HS2ST1: variants seen among roughly 807,000 people sequenced by gnomAD.
HS2ST1 encodes 2-O-sulfotransferase.
Under a neutral mutation model 42.9 loss-of-function variants are expected in HS2ST1, and 18 were observed. That is an observed-to-expected ratio of 0.42 (90% CI 0.29 to 0.62). The LOEUF is 0.62. HS2ST1 is among the 20% of genes least tolerant of loss of function. HS2ST1 has a pLI of 0.21. For synonymous variants in HS2ST1, 146 were observed against 152.9 expected, an observed-to-expected ratio of 0.95 and a Z score of 0.33; for missense variants, 334 against 433.8, an observed-to-expected ratio of 0.77 and a Z score of 2.04.
rs569296548 is a variant in HS2ST1 at position 87,064,785 on chromosome 1, C to T, written c.125-8149C>T. Among the ~76,000 whole-genome samples, 3 of 152,192 alleles carry T rather than the reference C, an allele frequency of 2.0e-5. No homozygotes were observed. In the South Asian group the frequency reaches 6.2e-4, roughly 32 times the overall value. ...AGGCAATCTACCCACCTCAGCTTCC[C>T]GAGTAGCTGGGACTACAGGCATGCA... On this transcript the variant is annotated intron_variant, in intron 1 of 6. Coordinates refer to ENST00000370550, the MANE Select transcript of HS2ST1 (RefSeq NM_012262.4).
chr1:86,972,671 G>A (rs754848784), intron 1 of HS2ST1, among the ~76,000 whole-genome samples: 5 of 152,216 alleles, frequency 3.3e-5, no homozygotes, highest in Non-Finnish European at 5.9e-5. Context: ...ATCCCCTGGG[G>A]ATAGGGTGCT....
rs1005539914 is a variant in HS2ST1, at chr1:86,914,729, G to A, written c.-308G>A. On this transcript the variant is annotated 5_prime_UTR_variant, in exon 1 of 7. Transcript: ENST00000370550. ...AGGCGGGCAAGCAGGCGGGCGCGGG[G>A]GTCGGGGACTGAGGCAGTAGAGGGA... 5.5e-5 allele frequency: 20 copies of A among 363,022 alleles called. No homozygotes were observed. Among genetic ancestry groups the A allele is most frequent in the Admixed American group, 1.4e-4 (3 of 21,944 alleles). 22.5% of individuals were successfully genotyped at this position (363,022 alleles called of 1,614,324 possible). A position where few individuals can be genotyped will look rare whatever the true frequency, so the allele number is the denominator to read the frequency against.
At chr1:87,027,617 G>A (rs183016592) in intron 1 of HS2ST1, among the ~76,000 whole-genome samples, 2 of 152,304 alleles carry the variant, frequency 1.3e-5, no homozygotes, top group African/African-American at 2.4e-5. Context: ...ACTGGTGGGA[G>A]TGAGTAGTTA....
chr1:87,013,107 A>C (rs574503157), intron 1 of HS2ST1, among the ~76,000 whole-genome samples: 1 of 152,338 alleles, frequency 6.6e-6, no homozygotes, highest in African/African-American at 2.4e-5. Flanking sequence ...TCTGGAGTAC[A>C]GTGCCCCTCT....
chr1:87,056,803 CA>C (rs1454154085), intron 1 of HS2ST1, among the ~76,000 whole-genome samples: 1 of 152,092 alleles, frequency 6.6e-6, no homozygotes, highest in Non-Finnish European at 1.5e-5. Flanking sequence ...CAAAGTATAT[CA>C]ATATAACAGT....
intron 2 of HS2ST1, among the ~76,000 whole-genome samples, chr1:87,082,917 AT>A (rs1433246707): frequency 1.3e-5 from 2 of 152,216 alleles, no homozygotes; most frequent in Non-Finnish European, 2.9e-5. Flanking sequence ...TTTATCTGCA[AT>A]TCATTTTTCA....
intron 3 of HS2ST1, among the ~76,000 whole-genome samples, chr1:87,090,936 A>G (rs1026967872): frequency 3.9e-5 from 6 of 151,998 alleles, no homozygotes; most frequent in African/African-American, 1.4e-4. Flanking sequence ...CTCATTACAT[A>G]AGACTAGTGA....
chr1:86,940,292 T>A (rs2102174747), intron 1 of HS2ST1, among the ~76,000 whole-genome samples: 1 of 152,304 alleles, frequency 6.6e-6, no homozygotes, highest in East Asian at 1.9e-4. Flanking sequence ...GAAGATAATT[T>A]GAGTCCAGGA....
intron 1 of HS2ST1, among the ~76,000 whole-genome samples, chr1:86,924,926 A>G (rs1196112206): frequency 6.6e-6 from 1 of 152,206 alleles, no homozygotes. Flanking sequence ...TTCTCCTGAG[A>G]AAATGAAATT....
chr1:86,950,845 G>T (rs188409041), intron 1 of HS2ST1, among the ~76,000 whole-genome samples: 4 of 152,028 alleles, frequency 2.6e-5, no homozygotes, highest in African/African-American at 9.7e-5. Context: ...ATAAAAAGTG[G>T]GTAAAAGAAA....
At chr1:86,916,376 A>G (rs577876246) in intron 1 of HS2ST1, among the ~76,000 whole-genome samples, 16 of 152,360 alleles carry the variant, frequency 1.1e-4, no homozygotes, top group Admixed American at 1.3e-4. Flanking sequence ...AATAGATGTT[A>G]CTGTGAGTGG....
At chr1:86,988,218 C>T (rs755532806) in intron 1 of HS2ST1, among the ~76,000 whole-genome samples, 1 of 152,198 alleles carries the variant, frequency 6.6e-6, no homozygotes, top group Non-Finnish European at 1.5e-5. Context: ...AAAGGGAAGA[C>T]TTGTTATGTA....
intron 1 of HS2ST1, among the ~76,000 whole-genome samples, chr1:87,001,820 T>A (rs1649294789): frequency 6.6e-6 from 1 of 151,996 alleles, no homozygotes; most frequent in Non-Finnish European, 1.5e-5. Context: ...TCCATGTTGA[T>A]CAGGCTGGTC....
At chr1:86,919,852 T>A (rs1197507106) in intron 1 of HS2ST1, among the ~76,000 whole-genome samples, 3 of 152,206 alleles carry the variant, frequency 2.0e-5, no homozygotes, top group African/African-American at 7.2e-5. Context: ...TTTTTCAACT[T>A]CAAATGAAGT....
At chr1:87,064,318 C>T (rs923954293) in intron 1 of HS2ST1, among the ~76,000 whole-genome samples, 4 of 152,198 alleles carry the variant, frequency 2.6e-5, no homozygotes, top group South Asian at 4.2e-4. Flanking sequence ...CTTTATTGTC[C>T]TTAGGTCCCA....
intron 1 of HS2ST1, chr1:86,993,201 G>A: frequency 6.6e-7 from 1 of 1,516,042 alleles, no homozygotes; most frequent in Non-Finnish European, 9.0e-7. Context: ...TAAATCCCCT[G>A]TGATAAAAGG....
At chr1:87,051,223 T>A (rs1650822273) in intron 1 of HS2ST1, among the ~76,000 whole-genome samples, 1 of 152,182 alleles carries the variant, frequency 6.6e-6, no homozygotes, top group Non-Finnish European at 1.5e-5. Context: ...TACATGATTT[T>A]TTTTTTTCAG....
intron 1 of HS2ST1, among the ~76,000 whole-genome samples, chr1:86,979,379 C>G (rs567112964): frequency 2.6e-5 from 4 of 152,228 alleles, no homozygotes; most frequent in Admixed American, 2.6e-4. Context: ...TTCCCCCAGC[C>G]CCTGGGTAAC....
chr1:87,071,654 G>C (rs989613173), intron 1 of HS2ST1, among the ~76,000 whole-genome samples: 13 of 151,590 alleles, frequency 8.6e-5, no homozygotes, highest in African/African-American at 2.9e-4. Context: ...CTTGAACCCA[G>C]GAGGCAGAGG....
Sources: gnomAD v4.1 joint callset for allele counts (sites outside exome capture counted in the v4.1 genomes callset) on GRCh38, gnomAD v4.1.1 for gene constraint, MANE v1.5 for transcripts, NCBI Gene and HGNC (gene_info 2026-07-23, HGNC 2026-07-21) for gene names.